Variants in C10orf90 observed in about 807,000 individuals in gnomAD.
C10orf90 encodes (E2-independent) E3 ubiquitin-conjugating enzyme FATS.
Under a neutral mutation model 62.5 loss-of-function variants are expected in C10orf90, and 56 were observed. That is an observed-to-expected ratio of 0.90 (90% CI 0.72 to 1.12). The LOEUF (loss-of-function observed/expected upper bound fraction) is 1.12. Ranked by LOEUF, C10orf90 falls within the 50% of genes most tolerant of loss-of-function variation. C10orf90 has a pLI of 0.00. For missense variants in C10orf90, 970 were observed against 880.4 expected (o/e 1.10, Z -1.29); for synonymous variants, 386 against 340.4 (o/e 1.13, Z -1.47).
chr10:126,546,182 C>T (rs115389809), intron 2 of C10orf90, among the ~76,000 whole-genome samples: 5,415 of 152,306 alleles, frequency 0.036, 189 homozygotes, highest in African/African-American at 0.089. Context: ...AGAAAACTTT[C>T]AGACAATAAC....
At chr10:126,500,389 G>A (rs971049458) in intron 4 of C10orf90, among the ~76,000 whole-genome samples, 1 of 152,168 alleles carries the variant, frequency 6.6e-6, no homozygotes, top group African/African-American at 2.4e-5. Flanking sequence ...CCTCATTTGT[G>A]TTGTGTGAAA....
At chr10:126,568,799 A>G (rs1206421504) in intron 2 of C10orf90, among the ~76,000 whole-genome samples, 1 of 152,156 alleles carries the variant, frequency 6.6e-6, no homozygotes, top group Non-Finnish European at 1.5e-5. Context: ...TTCCCAGTGT[A>G]ACTGGAGAGG....
At position 126,511,566 on chromosome 10, in the gene C10orf90, GT is replaced by G. The variant is rs199794569; in HGVS notation, c.405+2281del. ...TCTCTGACAACCACCAAGAATCGCT[GT>G]TTTTTTTTTTAAAGGTGGAGTGGGT... On this transcript the variant is annotated intron_variant, in intron 3 of 9. Coordinates refer to ENST00000488181, the MANE Select transcript of C10orf90 (RefSeq NM_001350921.2). Among the ~76,000 whole-genome samples, 302 of 145,700 alleles carry G rather than the reference GT, an allele frequency of 2.1e-3. 3 individuals are homozygous for G. The highest frequency in any genetic ancestry group is 6.1e-3 in the African/African-American group (242 of 39,828).
intron 1 of C10orf90, among the ~76,000 whole-genome samples, chr10:126,648,379 C>A (rs900602686): frequency 6.6e-6 from 1 of 152,090 alleles, no homozygotes; most frequent in Admixed American, 6.5e-5. Flanking sequence ...CTTGTACTGC[C>A]CAGCCTCCAG....
At chr10:126,517,615 G>A (rs185139790) in intron 2 of C10orf90, among the ~76,000 whole-genome samples, 2 of 152,240 alleles carry the variant, frequency 1.3e-5, no homozygotes, top group African/African-American at 4.8e-5. Context: ...TGACTCTTAG[G>A]AATACAAAGG....
At chr10:126,575,806 G>T (rs535637884) in intron 2 of C10orf90, among the ~76,000 whole-genome samples, 19 of 151,988 alleles carry the variant, frequency 1.3e-4, no homozygotes, top group African/African-American at 4.1e-4. Flanking sequence ...TTTGACAAAG[G>T]TGCCAAGAAC....
intron 2 of C10orf90, among the ~76,000 whole-genome samples, chr10:126,526,094 T>G (rs886114129): frequency 2.0e-5 from 3 of 151,258 alleles, no homozygotes; most frequent in Non-Finnish European, 4.4e-5. Context: ...GGCAGGGCTC[T>G]CCAGAGAGGC....
At chr10:126,461,974 T>G (rs927934740) in intron 5 of C10orf90, among the ~76,000 whole-genome samples, 2 of 152,306 alleles carry the variant, frequency 1.3e-5, no homozygotes, top group African/African-American at 4.8e-5. Context: ...ACTACACTGA[T>G]GATATAAGGA....
At chr10:126,660,171 G>A (rs1846479284) in intron 1 of C10orf90, among the ~76,000 whole-genome samples, 1 of 152,216 alleles carries the variant, frequency 6.6e-6, no homozygotes, top group African/African-American at 2.4e-5. Flanking sequence ...ATGTTCCCCT[G>A]TCTTTGATGG....
chr10:126,621,155 T>C (rs1292245263), intron 2 of C10orf90, among the ~76,000 whole-genome samples: 1 of 152,242 alleles, frequency 6.6e-6, no homozygotes, highest in Non-Finnish European at 1.5e-5. Context: ...TTGTTTTGCC[T>C]CTGTTGAATT....
chr10:126,609,357 C>T (rs185549266), intron 2 of C10orf90, among the ~76,000 whole-genome samples: 82 of 152,244 alleles, frequency 5.4e-4, no homozygotes, highest in African/African-American at 1.6e-3. Context: ...GAGCCGAGAT[C>T]GCGCCATTGC....
chr10:126,541,973 G>A (rs1376151615), intron 2 of C10orf90, among the ~76,000 whole-genome samples: 2 of 152,132 alleles, frequency 1.3e-5, no homozygotes, highest in African/African-American at 4.8e-5. Flanking sequence ...ACATTCAATG[G>A]AACATTATTC....
intron 2 of C10orf90, among the ~76,000 whole-genome samples, chr10:126,619,681 C>T (rs142536413): frequency 3.7e-4 from 56 of 152,214 alleles, no homozygotes; most frequent in East Asian, 1.2e-3. Flanking sequence ...GCTCTGTCAC[C>T]GAGTTTGGAG....
intron 2 of C10orf90, among the ~76,000 whole-genome samples, chr10:126,517,562 T>C (rs180884818): frequency 9.3e-4 from 142 of 152,222 alleles, no homozygotes; most frequent in African/African-American, 3.1e-3. Context: ...GGCTCATAGC[T>C]TCACTCTGAG....
intron 2 of C10orf90, among the ~76,000 whole-genome samples, chr10:126,609,645 G>A (rs1363286010): frequency 6.6e-6 from 1 of 152,230 alleles, no homozygotes; most frequent in Non-Finnish European, 1.5e-5. Context: ...TGCATGATGG[G>A]GTTGAGCATT....
At chr10:126,640,413 A>G (rs1846037134) in intron 2 of C10orf90, among the ~76,000 whole-genome samples, 1 of 152,242 alleles carries the variant, frequency 6.6e-6, no homozygotes, top group Non-Finnish European at 1.5e-5. Flanking sequence ...TGAAGGAGAA[A>G]TGGCTCCAAT....
At chr10:126,655,118 A>G (rs1737298831) in intron 1 of C10orf90, among the ~76,000 whole-genome samples, 2 of 152,162 alleles carry the variant, frequency 1.3e-5, no homozygotes, top group Admixed American at 1.3e-4. Context: ...CAGGAGATCG[A>G]GACCATCCTG....
intron 2 of C10orf90, among the ~76,000 whole-genome samples, chr10:126,642,314 C>A (rs548935505): frequency 6.6e-6 from 1 of 152,088 alleles, no homozygotes; most frequent in Non-Finnish European, 1.5e-5. Context: ...GGGCAGATCA[C>A]GAGGTCGGGA....
intron 4 of C10orf90, among the ~76,000 whole-genome samples, chr10:126,479,539 C>A (rs1861064259): frequency 6.6e-6 from 1 of 152,194 alleles, no homozygotes; most frequent in Admixed American, 6.5e-5. Flanking sequence ...CCCAACTCAT[C>A]CTGAATGGGA....
Sources: gnomAD v4.1 joint callset for allele counts (sites outside exome capture counted in the v4.1 genomes callset) on GRCh38, gnomAD v4.1.1 for gene constraint, MANE v1.5 for transcripts, NCBI Gene and HGNC (gene_info 2026-07-23, HGNC 2026-07-21) for gene names.